The following KLHL29 variants were observed in gnomAD, a reference collection of about 807,000 sequenced individuals.
KLHL29 encodes the protein kelch-like protein 29.
KLHL29 carries 21 observed loss-of-function variants against 80.4 expected under a neutral mutation model. The observed-to-expected ratio is 0.26, with a 90% CI of 0.19 to 0.38. The LOEUF is 0.38. Ranked by LOEUF, KLHL29 falls within the 10% of genes least tolerant of loss-of-function variation. KLHL29 has a pLI of 1.00. For missense variants in KLHL29, 867 were observed against 1,223.9 expected, an observed-to-expected ratio of 0.71 and a Z score of 4.35; for synonymous variants, 511 against 526.8, an observed-to-expected ratio of 0.97 and a Z score of 0.41.
At chr2:23,606,765 C>A (rs1328852633) in intron 3 of KLHL29, among the ~76,000 whole-genome samples, 1 of 152,188 alleles carries the variant, frequency 6.6e-6, no homozygotes, top group Non-Finnish European at 1.5e-5. Context: ...GCTTGCAGAA[C>A]CCACACTCAA....
chr2:23,569,615 AT>A (rs11404315), intron 3 of KLHL29, among the ~76,000 whole-genome samples: 5 of 151,874 alleles, frequency 3.3e-5, no homozygotes, highest in East Asian at 1.9e-4. Context: ...CATTTATAAC[AT>A]TTTTTTTATA....
intron 1 of KLHL29, among the ~76,000 whole-genome samples, chr2:23,404,745 A>G (rs1411281793): frequency 6.6e-6 from 1 of 152,262 alleles, no homozygotes; most frequent in Non-Finnish European, 1.5e-5. Flanking sequence ...ACTTCCGGCC[A>G]GGAATCTGCC....
At chr2:23,438,278 T>C (rs1663403500) in intron 1 of KLHL29, among the ~76,000 whole-genome samples, 1 of 151,986 alleles carries the variant, frequency 6.6e-6, no homozygotes, top group South Asian at 2.1e-4. Context: ...TGACTTCCTC[T>C]TTTCCTAATT....
chr2:23,439,053 C>T (rs903751769), intron 1 of KLHL29, among the ~76,000 whole-genome samples: 13 of 149,578 alleles, frequency 8.7e-5, no homozygotes, highest in Non-Finnish European at 1.3e-4. Context: ...GTGTATGTGT[C>T]GAGGAATTTA....
intron 1 of KLHL29, among the ~76,000 whole-genome samples, chr2:23,460,119 T>A (rs1664169083): frequency 1.3e-5 from 2 of 152,260 alleles, no homozygotes; most frequent in Admixed American, 1.3e-4. Context: ...TATTCATTAC[T>A]TGATCCAACA....
At chr2:23,427,878 A>G (rs938456785) in intron 1 of KLHL29, among the ~76,000 whole-genome samples, 2 of 152,204 alleles carry the variant, frequency 1.3e-5, no homozygotes, top group Non-Finnish European at 2.9e-5. Context: ...TTGGGAGCCC[A>G]TCAGCTGTCT....
At chr2:23,394,453 C>A (rs560713229) in intron 1 of KLHL29, among the ~76,000 whole-genome samples, 16 of 152,298 alleles carry the variant, frequency 1.1e-4, no homozygotes, top group African/African-American at 3.6e-4. Flanking sequence ...TATTGCTATT[C>A]TGCAGCTGAT....
intron 1 of KLHL29, among the ~76,000 whole-genome samples, chr2:23,387,504 T>TTTATTA (rs34918880): frequency 0.025 from 2,927 of 117,582 alleles, 57 homozygotes; most frequent in East Asian, 0.14. Flanking sequence ...TCATTCCTGA[T>TTTATTA]TTATTATTAT....
intron 8 of KLHL29, 31 bp downstream of exon 8, chr2:23,693,559 C>T: frequency 2.0e-6 from 3 of 1,535,620 alleles, no homozygotes; most frequent in Non-Finnish European, 2.6e-6. Flanking sequence ...CGCCCCTTCT[C>T]TCTGGGTTTG....
rs1414143566 is a variant in KLHL29, at chr2:23,647,999, C to G, written c.940+5149C>G. Among the ~76,000 whole-genome samples the G allele has an allele frequency of 6.6e-6, 1 of 152,128 alleles. No individual in the cohort carries two copies. The highest frequency in any genetic ancestry group is 1.5e-5 in the Non-Finnish European group (1 of 68,016). ...AAGCACTGAGCTGAGAATCACCCAC[C>G]AGGGTTCTGTGACTTCCCCTTCCCT... On this transcript the variant is annotated intron_variant, in intron 5 of 13. Transcript: ENST00000486442. The surrounding 1 kb of genome is among the most constrained non-coding windows in gnomAD (Gnocchi z 4.9).
At chr2:23,450,324 G>T (rs1431315995) in intron 1 of KLHL29, among the ~76,000 whole-genome samples, 1 of 152,064 alleles carries the variant, frequency 6.6e-6, no homozygotes, top group East Asian at 1.9e-4. Flanking sequence ...TCATGTGAAG[G>T]GTCAGGGTTG....
rs959609549 is a variant in KLHL29 at position 23,441,749 on chromosome 2, T to G, written c.-153-33811T>G. ...TGCTGTTGACCACAGCTTCAGTTCC[T>G]TTCCATGTGGCCTCTCCATGTGGTT... On this transcript the variant is annotated intron_variant, in intron 1 of 13. Coordinates refer to ENST00000486442, the MANE Select transcript of KLHL29 (RefSeq NM_052920.2). Among the ~76,000 whole-genome samples the G allele has an allele frequency of 3.3e-5, 5 of 152,310 alleles. No homozygotes were observed. In the East Asian group the frequency reaches 7.7e-4, roughly 23 times the overall value.
At chr2:23,513,266 A>G (rs57962594) in intron 2 of KLHL29, among the ~76,000 whole-genome samples, 3,123 of 152,302 alleles carry the variant, frequency 0.021, 101 homozygotes, top group African/African-American at 0.07. Context: ...TTTTTCTTAA[A>G]CAATCTTATA....
chr2:23,687,625 TGTG>T (rs1230835842), intron 6 of KLHL29, among the ~76,000 whole-genome samples: 3 of 152,054 alleles, frequency 2.0e-5, no homozygotes, highest in Non-Finnish European at 4.4e-5. Flanking sequence ...TTCAGAGACT[TGTG>T]GTCCAAGGGC....
rs573807664 is a variant in KLHL29 at position 23,693,255 on chromosome 2, G to A, written c.1283-14G>A. 118 of 1,537,954 alleles carry A rather than the reference G, an allele frequency of 7.7e-5. No homozygotes were observed. The highest frequency in any genetic ancestry group is 2.7e-4 in the East Asian group (11 of 40,562). On this transcript the variant is annotated splice_polypyrimidine_tract_variant and intron_variant, in intron 7 of 13. Transcript: ENST00000486442. The stretch of plus-strand genomic sequence containing the variant: ...CGGGCCTTTGGGTCAGTGGTCCTGC[G>A]CTGTCGCCCCCAGAGAAGCAGCTGA...
chr2:23,442,581 C>G (rs1663560395), intron 1 of KLHL29, among the ~76,000 whole-genome samples: 1 of 152,166 alleles, frequency 6.6e-6, no homozygotes, highest in African/African-American at 2.4e-5. Context: ...CCCGGAGCCT[C>G]CAGAAGGAAC....
intron 2 of KLHL29, among the ~76,000 whole-genome samples, chr2:23,505,913 G>C (rs1665584891): frequency 6.6e-6 from 1 of 152,164 alleles, no homozygotes; most frequent in Admixed American, 6.5e-5. Flanking sequence ...GGGCGTTGGG[G>C]GTCTCTGAAG....
At chr2:23,634,159 G>A (rs928604764) in intron 3 of KLHL29, among the ~76,000 whole-genome samples, 2 of 152,128 alleles carry the variant, frequency 1.3e-5, no homozygotes, top group Admixed American at 6.5e-5. Context: ...CAGAGTGCGT[G>A]CTCAGTGATG....
intron 1 of KLHL29, among the ~76,000 whole-genome samples, chr2:23,464,413 C>CGG (rs796219899): frequency 6.6e-6 from 1 of 152,132 alleles, no homozygotes; most frequent in Non-Finnish European, 1.5e-5. Flanking sequence ...CAGCTGCCTT[C>CGG]GGGGGGGATA....
Sources: gnomAD v4.1 joint callset for allele counts (sites outside exome capture counted in the v4.1 genomes callset) on GRCh38, gnomAD v4.1.1 for gene constraint, Gnocchi (gnomAD v3.1) non-coding constraint, MANE v1.5 for transcripts, NCBI Gene and HGNC (gene_info 2026-07-23, HGNC 2026-07-21) for gene names.